The following LRRTM4 variants were observed in gnomAD, a reference collection of about 807,000 sequenced individuals.
LRRTM4 encodes leucine-rich repeat transmembrane neuronal protein 4.
LRRTM4 carries 25 observed loss-of-function variants against 47.6 expected under a neutral mutation model. The ratio of observed to expected loss-of-function variants is 0.53; its 90% CI spans 0.38 to 0.73. The LOEUF (loss-of-function observed/expected upper bound fraction) is 0.73. LRRTM4 is among the 30% of genes least tolerant of loss of function. The pLI is 0.00. For missense variants in LRRTM4, 638 were observed against 713.4 expected, an observed-to-expected ratio of 0.89 and a Z score of 1.20; for synonymous variants, 311 against 269.5, an observed-to-expected ratio of 1.15 and a Z score of -1.51.
At chr2:77,260,809 C>T (rs1474637066) in intron 3 of LRRTM4, among the ~76,000 whole-genome samples, 3 of 151,918 alleles carry the variant, frequency 2.0e-5, no homozygotes, top group Non-Finnish European at 2.9e-5. Context: ...AAAGTCACGC[C>T]GAGCCTGATC....
chr2:77,305,712 T>A (rs184958303), intron 3 of LRRTM4, among the ~76,000 whole-genome samples: 2 of 142,016 alleles, frequency 1.4e-5, no homozygotes, highest in Admixed American at 1.4e-4. Context: ...CTTTTTGATA[T>A]GATACCTCAA....
intron 3 of LRRTM4, among the ~76,000 whole-genome samples, chr2:77,181,112 T>A (rs1372715190): frequency 6.6e-6 from 1 of 152,182 alleles, no homozygotes; most frequent in East Asian, 1.9e-4. Flanking sequence ...TAGCAAAGGA[T>A]GACATAAACT....
intron 3 of LRRTM4, among the ~76,000 whole-genome samples, chr2:77,262,808 G>T (rs1203393994): frequency 6.6e-6 from 1 of 151,880 alleles, no homozygotes; most frequent in African/African-American, 2.4e-5. Context: ...TAATGTATTT[G>T]TTCCTAATCC....
chr2:77,196,925 A>T (rs1298045804), intron 3 of LRRTM4, among the ~76,000 whole-genome samples: 2 of 152,116 alleles, frequency 1.3e-5, no homozygotes, highest in Non-Finnish European at 1.5e-5. Context: ...ATGTTTTTTT[A>T]ATTTTTTTCC....
chr2:77,143,716 AC>A (rs1159498765), intron 3 of LRRTM4, among the ~76,000 whole-genome samples: 1 of 152,218 alleles, frequency 6.6e-6, no homozygotes, highest in Admixed American at 6.5e-5. Flanking sequence ...ACACCAATCA[AC>A]TCATTATTCA....
At chr2:77,082,698 T>A (rs748704539) in intron 3 of LRRTM4, among the ~76,000 whole-genome samples, 4 of 152,090 alleles carry the variant, frequency 2.6e-5, no homozygotes, top group Non-Finnish European at 5.9e-5. Flanking sequence ...AGTAGAGAAA[T>A]AGAAATATCC....
chr2:77,278,180 A>AC (rs1212624325), intron 3 of LRRTM4, among the ~76,000 whole-genome samples: 3 of 151,950 alleles, frequency 2.0e-5, no homozygotes, highest in Non-Finnish European at 4.4e-5. Context: ...AGTCCTGCTC[A>AC]CCTTTAATCA....
intron 3 of LRRTM4, among the ~76,000 whole-genome samples, chr2:77,487,102 CGGCTGCAGTGAGAGAGGCGCAGCCAG>C (rs1282464773): frequency 6.6e-6 from 1 of 152,186 alleles, no homozygotes; most frequent in African/African-American, 2.4e-5. Flanking sequence ...GCAAAGACAC[CGGCTGCAGTGAGAGAGGCGCAGCCAG>C]GGCTGCAGGA....
chr2:77,172,054 A>T (rs1673063278), intron 3 of LRRTM4, among the ~76,000 whole-genome samples: 1 of 152,210 alleles, frequency 6.6e-6, no homozygotes, highest in Admixed American at 6.5e-5. Flanking sequence ...ATTTGATGTT[A>T]TCCTAGATAT....
intron 3 of LRRTM4, among the ~76,000 whole-genome samples, chr2:76,963,762 G>A (rs1456995886): frequency 6.6e-6 from 1 of 150,552 alleles, no homozygotes; most frequent in African/African-American, 2.4e-5. Flanking sequence ...TTATAATAGT[G>A]AAAAATATAA....
chr2:76,792,238 C>G (rs375307448), intron 3 of LRRTM4, among the ~76,000 whole-genome samples: 2 of 151,950 alleles, frequency 1.3e-5, no homozygotes, highest in South Asian at 4.2e-4. Context: ...AATGTTAAGT[C>G]GGCTTAAAAA....
chr2:77,133,990 C>A (rs1031565820), intron 3 of LRRTM4, among the ~76,000 whole-genome samples: 1 of 152,106 alleles, frequency 6.6e-6, no homozygotes, highest in Admixed American at 6.6e-5. Flanking sequence ...TGTAGGTACA[C>A]TCTTCCTTGG....
intron 3 of LRRTM4, among the ~76,000 whole-genome samples, chr2:77,116,856 T>G (rs554423759): frequency 6.6e-6 from 1 of 152,128 alleles, no homozygotes. Context: ...AACTCAATGA[T>G]GTTGTAGTAA....
intron 3 of LRRTM4, among the ~76,000 whole-genome samples, chr2:77,418,320 T>C (rs1017207889): frequency 2.0e-5 from 3 of 152,200 alleles, no homozygotes; most frequent in Non-Finnish European, 2.9e-5. Context: ...TGGTATACTT[T>C]TGTCCATTTC....
In LRRTM4 at chr2:77,052,992, A is replaced by C. The variant is rs1032653907; in HGVS notation, c.1552-304076T>G. On this transcript the variant is annotated intron_variant, in intron 3 of 3. Coordinates refer to ENST00000409884, the MANE Select transcript of LRRTM4 (RefSeq NM_001134745.3). ...CCTAGGAGAAAGGCTAAAAAAAAAA[A>C]CTATCAAATGAAAAGAAAGGGATAT... Among the ~76,000 whole-genome samples the C allele has an allele frequency of 2.2e-4, 34 of 152,244 alleles. No individual in the cohort carries two copies. In the South Asian group the frequency reaches 5.2e-3, roughly 23 times the overall value.
chr2:77,069,840 T>C (rs1054716004), intron 3 of LRRTM4, among the ~76,000 whole-genome samples: 1 of 152,208 alleles, frequency 6.6e-6, no homozygotes, highest in African/African-American at 2.4e-5. Context: ...TTTATCATTT[T>C]CGCATTTTAG....
chr2:76,800,287 G>A (rs995609376), intron 3 of LRRTM4, among the ~76,000 whole-genome samples: 16 of 149,642 alleles, frequency 1.1e-4, no homozygotes, highest in Admixed American at 4.0e-4. Context: ...AGAGCCCTCA[G>A]AAATAGTGCC....
At chr2:77,182,582 T>G (rs138034271) in intron 3 of LRRTM4, among the ~76,000 whole-genome samples, 3,340 of 152,264 alleles carry the variant, frequency 0.022, 125 homozygotes, top group African/African-American at 0.077. Flanking sequence ...AAGGAGATTT[T>G]GGGCTGAGAC....
intron 3 of LRRTM4, among the ~76,000 whole-genome samples, chr2:76,894,044 A>G (rs1358632029): frequency 1.3e-5 from 2 of 151,962 alleles, no homozygotes; most frequent in Non-Finnish European, 2.9e-5. Context: ...ATACTGAAAA[A>G]TATCAGTTAA....
Sources: gnomAD v4.1 joint callset for allele counts (sites outside exome capture counted in the v4.1 genomes callset) on GRCh38, gnomAD v4.1.1 for gene constraint, MANE v1.5 for transcripts, NCBI Gene and HGNC (gene_info 2026-07-23, HGNC 2026-07-21) for gene names.